ARHGEF3: variants seen among roughly 807,000 people sequenced by gnomAD.
ARHGEF3 encodes Rho guanine nucleotide exchange factor 3, also known as 59.8 kDA protein.
ARHGEF3 carries 28 observed loss-of-function variants against 63.2 expected under a neutral mutation model. The observed-to-expected ratio is 0.44, with a 90% CI of 0.33 to 0.61. The LOEUF (loss-of-function observed/expected upper bound fraction) is 0.61, where lower values mean the gene tolerates loss of function less well. Ranked by LOEUF, ARHGEF3 falls within the 20% of genes least tolerant of loss-of-function variation. ARHGEF3 has a pLI of 0.03. For synonymous variants in ARHGEF3, 266 were observed against 254.2 expected, an observed-to-expected ratio of 1.05 and a Z score of -0.44; for missense variants, 533 against 659.3, an observed-to-expected ratio of 0.81 and a Z score of 2.10.
At chr3:56,741,668 T>C (rs2034049376) in intron 7 of ARHGEF3, among the ~76,000 whole-genome samples, 1 of 151,748 alleles carries the variant, frequency 6.6e-6, no homozygotes, top group African/African-American at 2.4e-5. Context: ...CACGCCCAGC[T>C]AATTTTTTGT....
intron 3 of ARHGEF3, among the ~76,000 whole-genome samples, chr3:56,915,741 AC>A (rs2041971446): frequency 6.6e-6 from 1 of 152,132 alleles, no homozygotes; most frequent in Non-Finnish European, 1.5e-5. Flanking sequence ...GACTCAAAAC[AC>A]CAGGATCACT....
At chr3:56,899,798 G>A (rs1169786775) in intron 3 of ARHGEF3, among the ~76,000 whole-genome samples, 1 of 152,194 alleles carries the variant, frequency 6.6e-6, no homozygotes, top group African/African-American at 2.4e-5. Context: ...TATGCCCTGA[G>A]ATGACTGAAA....
intron 3 of ARHGEF3, among the ~76,000 whole-genome samples, chr3:56,957,079 T>C (rs1223240601): frequency 4.6e-5 from 7 of 152,186 alleles, no homozygotes; most frequent in Admixed American, 1.3e-4. Context: ...CTTTTGTACT[T>C]AATGGTTATG....
At chr3:56,748,499 C>T (rs926975784) in intron 6 of ARHGEF3, among the ~76,000 whole-genome samples, 1 of 151,702 alleles carries the variant, frequency 6.6e-6, no homozygotes, top group African/African-American at 2.4e-5. Context: ...ATAAGGGAAA[C>T]TCACTTTTTA....
intron 1 of ARHGEF3, among the ~76,000 whole-genome samples, chr3:57,056,972 C>T (rs1704968972): frequency 6.6e-6 from 1 of 151,912 alleles, no homozygotes; most frequent in South Asian, 2.1e-4. Flanking sequence ...GCCCCCTGCC[C>T]CCTTCCATCT....
At chr3:57,072,342 G>A (rs983073436) in intron 1 of ARHGEF3, among the ~76,000 whole-genome samples, 14 of 152,050 alleles carry the variant, frequency 9.2e-5, no homozygotes, top group African/African-American at 2.9e-4. Context: ...GCCAGGGCAG[G>A]TAAAAGAGAG....
At chr3:56,826,090 T>C (rs1375972307) in intron 4 of ARHGEF3, among the ~76,000 whole-genome samples, 1 of 152,138 alleles carries the variant, frequency 6.6e-6, no homozygotes, top group Non-Finnish European at 1.5e-5. Context: ...GCACTCATTG[T>C]TTGTGGTCAT....
At chr3:56,804,076 GT>G (rs2037779345), upstream of ARHGEF3, among the ~76,000 whole-genome samples, 1 of 151,870 alleles carries the variant, frequency 6.6e-6, no homozygotes, top group African/African-American at 2.4e-5. Context: ...TAGAGACAGG[GT>G]TTTGCCATGT....
At chr3:56,912,908 T>A (rs2041889377) in intron 3 of ARHGEF3, among the ~76,000 whole-genome samples, 1 of 151,866 alleles carries the variant, frequency 6.6e-6, no homozygotes, top group South Asian at 2.1e-4. Context: ...AAGGCCAAGG[T>A]GGGATGATCA....
intron 1 of ARHGEF3, among the ~76,000 whole-genome samples, chr3:56,796,142 C>T (rs1274389665): frequency 1.3e-5 from 2 of 152,176 alleles, no homozygotes; most frequent in African/African-American, 4.8e-5. Flanking sequence ...TGCACACATA[C>T]ATGACAAAGT....
chr3:56,919,313 T>C (rs1396215684), intron 3 of ARHGEF3, among the ~76,000 whole-genome samples: 2 of 152,218 alleles, frequency 1.3e-5, no homozygotes, highest in African/African-American at 4.8e-5. Flanking sequence ...GGCCACCAGT[T>C]TGCACCCTCT....
intron 1 of ARHGEF3, among the ~76,000 whole-genome samples, chr3:56,774,450 C>T (rs147603212): frequency 4.6e-3 from 703 of 152,264 alleles, no homozygotes; most frequent in African/African-American, 0.016. Context: ...AGCCCTACCA[C>T]GGACATCGGT....
At chr3:56,802,596 G>C (rs1335432110), upstream of ARHGEF3, among the ~76,000 whole-genome samples, 1 of 152,058 alleles carries the variant, frequency 6.6e-6, no homozygotes, top group Non-Finnish European at 1.5e-5. Flanking sequence ...ATTCCCTCGA[G>C]ACCTTTCCCA....
intron 4 of ARHGEF3, among the ~76,000 whole-genome samples, chr3:56,822,660 C>T (rs758613406): frequency 1.1e-4 from 17 of 152,024 alleles, no homozygotes; most frequent in Non-Finnish European, 2.4e-4. Context: ...CAAGACCAGC[C>T]TGGGCAACAC....
rs765864806 is a variant in ARHGEF3, at chr3:56,729,417, C to G, written c.1434G>C (p.Gln478His). Residue 478 changes from glutamine (Q) to histidine (H), a missense_variant, in exon 10 of 10, where the codon CAG becomes CAC. Gln to His is a conservative substitution (Grantham distance 24). This residue lies in a region of ARHGEF3 where 115 missense variants were observed against 103.4 expected (regional missense o/e 1.11). Coordinates refer to ENST00000296315, the MANE Select transcript of ARHGEF3 (RefSeq NM_019555.3). ...LNPTTGSREL[Q>H]GETKLEQMDQ... ...CCATCTGCTCAAGTTTTGTTTCTCCCTGTAGCTCTCTGCTCCCGGTGGTGG... is the reference window on the plus strand; with the variant it reads ...CCATCTGCTCAAGTTTTGTTTCTCCGTGTAGCTCTCTGCTCCCGGTGGTGG... 20 of 1,614,162 alleles carry G rather than the reference C, an allele frequency of 1.2e-5. No individual in the cohort carries two copies. The highest frequency in any genetic ancestry group is 1.6e-4 in the Middle Eastern group (1 of 6,062).
intron 8 of ARHGEF3, among the ~76,000 whole-genome samples, chr3:56,736,812 G>T (rs1386180261): frequency 1.3e-5 from 2 of 152,156 alleles, no homozygotes; most frequent in Non-Finnish European, 2.9e-5. Context: ...AAGAACGAAG[G>T]ACAGGCACGG....
chr3:56,755,000 T>A lies in ARHGEF3; in HGVS notation c.356A>T (p.Lys119Met). 6.2e-7 allele frequency: 1 copy of A among 1,614,244 alleles called. No homozygotes were observed. Among genetic ancestry groups the A allele is most frequent in the East Asian group, 2.2e-5 (1 of 44,892 alleles). The change falls in exon 3 of 10, where the codon AAG becomes ATG. Residue 119 changes from lysine to methionine, a missense_variant. By Grantham distance (95) the Lys-to-Met change is moderately conservative. This residue lies in a region of ARHGEF3 where 107 missense variants were observed against 207.9 expected (regional missense o/e 0.51). Coordinates refer to ENST00000296315, the MANE Select transcript of ARHGEF3 (RefSeq NM_019555.3). ...GCCTACCTCCTGACGTTTGATTTCC[T>A]TGGATGTAAGCATCTGATTGACGCA... is the stretch of plus-strand genomic sequence containing the variant. ...DVCVNQMLTS[K>M]EIKRQEAIFE...
intron 3 of ARHGEF3, among the ~76,000 whole-genome samples, chr3:56,899,715 T>C (rs1270253207): frequency 6.6e-6 from 1 of 152,206 alleles, no homozygotes; most frequent in Non-Finnish European, 1.5e-5. Flanking sequence ...CCTCTCTTAA[T>C]TGTCACACAA....
intron 2 of ARHGEF3, among the ~76,000 whole-genome samples, chr3:57,018,609 CTAATT>C (rs1703119872): frequency 1.3e-5 from 2 of 152,266 alleles, no homozygotes; most frequent in African/African-American, 4.8e-5. Context: ...AATTAATAAA[CTAATT>C]TATAATGATT....
Sources: gnomAD v4.1 joint callset for allele counts (sites outside exome capture counted in the v4.1 genomes callset) on GRCh38, gnomAD v4.1.1 for gene constraint, gnomAD v4.1.1 regional missense constraint, MANE v1.5 for transcripts, NCBI Gene and HGNC (gene_info 2026-07-23, HGNC 2026-07-21) for gene names.